The following TMEM30A variants were observed in gnomAD, a reference collection of about 807,000 sequenced individuals.
TMEM30A encodes cell division cycle 50 P4-ATPase accessory subunit A, also known as cell cycle control protein 50A.
A neutral mutation model predicts 38.2 loss-of-function variants in TMEM30A; 24 were observed. The observed-to-expected ratio is 0.63, with a 90% CI of 0.46 to 0.88. The LOEUF (loss-of-function observed/expected upper bound fraction) is 0.88. TMEM30A is among the 40% of genes least tolerant of loss of function. The probability of loss-of-function intolerance (pLI) is 0.00; values close to 1 mark genes in which losing one functional copy is unlikely to be tolerated. For missense variants in TMEM30A, 370 were observed against 458.6 expected, an observed-to-expected ratio of 0.81 and a Z score of 1.77; for synonymous variants, 145 against 161.6, an observed-to-expected ratio of 0.90 and a Z score of 0.78.
At chr6:75,282,715 A>C (rs1772379486) in intron 1 of TMEM30A, among the ~76,000 whole-genome samples, 1 of 152,202 alleles carries the variant, frequency 6.6e-6, no homozygotes, top group African/African-American at 2.4e-5. Context: ...TCTTCTCCTG[A>C]TTAAGGATCA....
In TMEM30A at chr6:75,267,627, T is replaced by C; in HGVS notation, c.345+14A>G. The stretch of plus-strand genomic sequence containing the variant: ...AAGCATGGCTTTTCTAGCACATTAC[T>C]TGGAAACACAGACCTCAAATGACTT... On this transcript the variant is annotated intron_variant, in intron 2 of 6. Transcript: ENST00000230461. 6.3e-7 allele frequency: 1 copy of C among 1,577,804 alleles called. No individual in the cohort carries two copies. Among genetic ancestry groups the C allele is most frequent in the East Asian group, 2.2e-5 (1 of 44,472 alleles).
At chr6:75,257,259 C>A (rs1345517802) in intron 6 of TMEM30A, among the ~76,000 whole-genome samples, 1 of 152,154 alleles carries the variant, frequency 6.6e-6, no homozygotes, top group Non-Finnish European at 1.5e-5. Flanking sequence ...AAGAAACAGG[C>A]TTCTGCCATC....
In TMEM30A at chr6:75,265,350, G is replaced by A; in HGVS notation, c.346-12C>T. On this transcript the variant is annotated splice_polypyrimidine_tract_variant and intron_variant, in intron 2 of 6. Transcript: ENST00000230461. ...ATAAACACGTTGCCCTAGAGAAACA[G>A]AGAGGGAAAAAATTTTCATATAAAA... The A allele has an allele frequency of 6.6e-7, 1 of 1,517,186 alleles. No homozygotes were observed. Among genetic ancestry groups the A allele is most frequent in the East Asian group, 2.3e-5 (1 of 43,098 alleles). The allele number at this position is 1,517,186 out of a possible 1,614,324, so 94.0% of individuals were successfully genotyped here.
chr6:75,265,359 A>C (rs374351817), intron 2 of TMEM30A, 21 bp from the exon 3 acceptor site: 2 of 1,436,916 alleles, frequency 1.4e-6, no homozygotes, highest in South Asian at 2.5e-5. Flanking sequence ...AGAGAGGGAA[A>C]AAATTTTCAT....
intron 3 of TMEM30A, among the ~76,000 whole-genome samples, chr6:75,263,085 T>C (rs1772000637): frequency 6.6e-6 from 1 of 152,106 alleles, no homozygotes; most frequent in Admixed American, 6.5e-5. Flanking sequence ...TTAGAATCTA[T>C]GGTAATGAAA....
chr6:75,283,170 C>T (rs184760059), intron 1 of TMEM30A, among the ~76,000 whole-genome samples: 1 of 152,282 alleles, frequency 6.6e-6, no homozygotes, highest in East Asian at 1.9e-4. Context: ...GAAGTAAGCA[C>T]TGTAGAATTA....
chr6:75,268,955 C>T (rs183842047), intron 1 of TMEM30A, among the ~76,000 whole-genome samples: 4 of 152,184 alleles, frequency 2.6e-5, no homozygotes, highest in African/African-American at 7.2e-5. Context: ...CTGGCCTGAT[C>T]GCTAAATTGA....
Position 75,256,093 on chromosome 6 carries a change from A to T in TMEM30A, c.*9T>A. 1.9e-6 allele frequency: 3 copies of T among 1,580,048 alleles called. No homozygotes were observed. The highest frequency in any genetic ancestry group is 2.6e-6 in the Non-Finnish European group (3 of 1,154,420). ...GCACATGCAGATGATTTGCTTTCAT[A>T]ATATAAAATTAAATGGTAATGTCAG... On this transcript the variant is annotated 3_prime_UTR_variant, in exon 7 of 7. Transcript: ENST00000230461.
Position 75,256,137 on chromosome 6 carries a change from T to C in TMEM30A, c.1051A>G (p.Arg351Gly). ...VVLLVINHKY[R>G]NSSNTADITI ...ATGTCAGCTGTATTACTACTGTTTC[T>C]ATATTTATGATTAATTACTAGCAGT... Residue 351 changes from arginine to glycine, a missense_variant, in exon 7 of 7, where the codon AGA (arginine) becomes GGA (glycine). Arg to Gly is a moderately radical substitution (Grantham distance 125). Coordinates refer to ENST00000230461, the MANE Select transcript of TMEM30A (RefSeq NM_018247.4). The C allele has an allele frequency of 2.5e-6, 4 of 1,612,184 alleles. No homozygotes were observed. Among genetic ancestry groups the C allele is most frequent in the Non-Finnish European group, 3.4e-6 (4 of 1,178,636 alleles).
intron 5 of TMEM30A, 143 bp downstream of exon 5, chr6:75,259,204 C>T: frequency 9.4e-6 from 9 of 955,504 alleles, no homozygotes; most frequent in Non-Finnish European, 1.4e-5. Context: ...TACATTAGAA[C>T]ATTTACCTAA....
intron 3 of TMEM30A, among the ~76,000 whole-genome samples, chr6:75,261,955 AG>A (rs1223297812): frequency 2.0e-5 from 3 of 152,200 alleles, no homozygotes; most frequent in African/African-American, 7.2e-5. Flanking sequence ...TAAATTCTTA[AG>A]GAAGTTTTAA....
intron 1 of TMEM30A, among the ~76,000 whole-genome samples, chr6:75,275,141 A>G (rs1211653852): frequency 1.3e-5 from 2 of 151,800 alleles, no homozygotes; most frequent in African/African-American, 4.8e-5. Flanking sequence ...GTCCTACCTC[A>G]CTGGCTGCTC....
chr6:75,259,060 A>C, intron 5 of TMEM30A, 74 bp from the exon 6 acceptor site: 2 of 1,282,688 alleles, frequency 1.6e-6, no homozygotes, highest in Non-Finnish European at 2.2e-6. Flanking sequence ...GAAACGAATA[A>C]ATTTGGATAA....
At chr6:75,256,850 C>A in intron 6 of TMEM30A, 1 of 446,176 alleles carries the variant, frequency 2.2e-6, no homozygotes. Context: ...TGATAGCTAA[C>A]AGTGGCAGTG....
At chr6:75,259,258 A>G (rs1771921993) in intron 5 of TMEM30A, 89 bp downstream of exon 5, 4 of 1,425,520 alleles carry the variant, frequency 2.8e-6, no homozygotes, top group Non-Finnish European at 2.8e-6. Flanking sequence ...TTTTCAAAGC[A>G]TAACTTTAAG....
At chr6:75,265,650 T>C (rs1002707277) in intron 2 of TMEM30A, among the ~76,000 whole-genome samples, 3 of 152,216 alleles carry the variant, frequency 2.0e-5, no homozygotes, top group Non-Finnish European at 2.9e-5. Context: ...CAATTTAAAA[T>C]TTTCTCTAAT....
At position 75,284,272 on chromosome 6, in the gene TMEM30A, G is replaced by A. The variant is rs1772417447; in HGVS notation, c.237+130C>T. The stretch of plus-strand genomic sequence containing the variant: ...AGAAAGAAAAAACAGAGAAACAGAG[G>A]GAAGGGGGTGGTGGACGGCGCGAGG... On this transcript the variant is annotated intron_variant, in intron 1 of 6. Coordinates refer to ENST00000230461, the MANE Select transcript of TMEM30A (RefSeq NM_018247.4). 4 of 828,112 alleles carry A rather than the reference G, an allele frequency of 4.8e-6. No individual in the cohort carries two copies. In the East Asian group the frequency reaches 7.7e-5, roughly 16 times the overall value. The allele number at this position is 828,112 out of a possible 1,614,324, so 51.3% of individuals were successfully genotyped here. A position where few individuals can be genotyped will look rare whatever the true frequency, so the allele number is the denominator to read the frequency against.
At chr6:75,284,115 G>T in intron 1 of TMEM30A, 1 of 427,510 alleles carries the variant, frequency 2.3e-6, no homozygotes, top group East Asian at 5.3e-5. Context: ...CTGAAGAAGC[G>T]TTCTCCACCT....
At chr6:75,264,760 A>G (rs1280793141) in intron 3 of TMEM30A, among the ~76,000 whole-genome samples, 1 of 152,206 alleles carries the variant, frequency 6.6e-6, no homozygotes, top group Non-Finnish European at 1.5e-5. Context: ...CAGTCTGGGC[A>G]TCAATGCATC....
Sources: allele counts gnomAD v4.1 joint callset (sites outside exome capture counted in the v4.1 genomes callset), GRCh38; gene constraint gnomAD v4.1.1; transcripts MANE v1.5; gene names NCBI Gene and HGNC (gene_info 2026-07-23, HGNC 2026-07-21).